The following ENOX1 variants were observed in gnomAD, a reference collection of about 807,000 sequenced individuals.
The protein encoded by ENOX1 is candidate growth-related and time keeping constitutive hydroquinone (NADH) oxidase.
A neutral mutation model predicts 82.5 loss-of-function variants in ENOX1; 42 were observed. The observed-to-expected ratio is 0.51, with a 90% confidence interval of 0.40 to 0.66. The LOEUF is 0.66. Among genes scored for constraint, ENOX1 ranks in the 30% least tolerant of loss-of-function variants. ENOX1 has a pLI of 0.00. For synonymous variants in ENOX1, 271 were observed against 282.2 expected (o/e 0.96, Z 0.40); for missense variants, 608 against 811.6 (o/e 0.75, Z 3.05).
At chr13:43,243,161 C>CT (rs779663436) in intron 14 of ENOX1, among the ~76,000 whole-genome samples, 2 of 139,698 alleles carry the variant, frequency 1.4e-5, no homozygotes, top group African/African-American at 2.6e-5. Context: ...AAAAAAAAAT[C>CT]TGAGTCCAGG....
At chr13:43,768,326 G>A (rs543969781) in intron 1 of ENOX1, among the ~76,000 whole-genome samples, 14 of 152,278 alleles carry the variant, frequency 9.2e-5, no homozygotes, top group African/African-American at 3.4e-4. Flanking sequence ...TCTAGGCTGA[G>A]TGTGTTGGCT....
At chr13:43,230,790 G>A (rs1193163966) in intron 15 of ENOX1, among the ~76,000 whole-genome samples, 1 of 152,158 alleles carries the variant, frequency 6.6e-6, no homozygotes, top group Non-Finnish European at 1.5e-5. Context: ...TACAAAAGAT[G>A]GGAGTGGGAT....
intron 2 of ENOX1, among the ~76,000 whole-genome samples, chr13:43,521,621 A>C (rs1203046454): frequency 6.6e-6 from 1 of 152,176 alleles, no homozygotes; most frequent in Non-Finnish European, 1.5e-5. Flanking sequence ...CTAAAAAGTA[A>C]GAGATATAAA....
intron 1 of ENOX1, among the ~76,000 whole-genome samples, chr13:43,761,975 C>G (rs1020549698): frequency 6.6e-6 from 1 of 152,114 alleles, no homozygotes; most frequent in Non-Finnish European, 1.5e-5. Context: ...TTTTCTAAAC[C>G]ATATGTCCTA....
chr13:43,452,320 G>A (rs1007443543), intron 3 of ENOX1, among the ~76,000 whole-genome samples: 11 of 151,996 alleles, frequency 7.2e-5, no homozygotes, highest in African/African-American at 1.7e-4. Flanking sequence ...CCCTCCCTGT[G>A]TCCATGTGTT....
At chr13:43,694,195 A>G (rs1052112260) in intron 1 of ENOX1, among the ~76,000 whole-genome samples, 1 of 144,826 alleles carries the variant, frequency 6.9e-6, no homozygotes, top group Non-Finnish European at 1.5e-5. Context: ...CAGAGTTTCC[A>G]TATGGTAAAA....
intron 16 of ENOX1, among the ~76,000 whole-genome samples, chr13:43,216,331 C>T (rs1242650891): frequency 6.6e-6 from 1 of 152,212 alleles, no homozygotes; most frequent in East Asian, 1.9e-4. Context: ...AGTCATATCT[C>T]TCAGGGTATT....
At position 43,756,492 on chromosome 13, in the gene ENOX1, G is replaced by C. The variant is rs1950645983; in HGVS notation, c.-285+30160C>G. Among the ~76,000 whole-genome samples, 5 of 132,676 alleles carry C rather than the reference G, an allele frequency of 3.8e-5. No individual in the cohort carries two copies. The South Asian group carries it at 1.5e-3, about 40-fold the overall frequency. The allele number at this position is 132,676 out of a possible 152,430, so 87.0% of individuals were successfully genotyped here. A position where few individuals can be genotyped will look rare whatever the true frequency, so the allele number is the denominator to read the frequency against. On this transcript the variant is annotated intron_variant, in intron 1 of 16. Transcript: ENST00000690772. ...GGAGGGGAGGGGAGGGGAAGGGGAG[G>C]GGAAGGGAGAGAGGGAAAGGAGAGG...
chr13:43,328,598 C>T (rs1423904020), intron 9 of ENOX1, among the ~76,000 whole-genome samples: 2 of 151,772 alleles, frequency 1.3e-5, no homozygotes, highest in East Asian at 3.9e-4. Context: ...GTGTAAGGGG[C>T]CAGAGAGAAT....
At chr13:43,372,334 A>C (rs1248619398) in intron 5 of ENOX1, among the ~76,000 whole-genome samples, 1 of 152,250 alleles carries the variant, frequency 6.6e-6, no homozygotes, top group Admixed American at 6.5e-5. Context: ...TCACAGAATA[A>C]ATGGACAGAA....
intron 12 of ENOX1, among the ~76,000 whole-genome samples, chr13:43,291,961 C>T (rs1448069733): frequency 4.6e-4 from 70 of 152,114 alleles, no homozygotes. Context: ...AAAGACTCGG[C>T]CACGCAGCAG....
intron 12 of ENOX1, among the ~76,000 whole-genome samples, chr13:43,276,882 T>TA (rs1250697707): frequency 6.6e-6 from 1 of 152,194 alleles, no homozygotes; most frequent in African/African-American, 2.4e-5. Context: ...CATGGGCTTG[T>TA]AAGACTACTC....
At chr13:43,578,396 TTTTG>T (rs1318435722) in intron 2 of ENOX1, among the ~76,000 whole-genome samples, 2 of 152,166 alleles carry the variant, frequency 1.3e-5, no homozygotes, top group African/African-American at 4.8e-5. Context: ...TCTAGAATAA[TTTTG>T]TTTATAAAAT....
chr13:43,226,483 A>C (rs2042028833), intron 15 of ENOX1, among the ~76,000 whole-genome samples: 1 of 152,234 alleles, frequency 6.6e-6, no homozygotes, highest in African/African-American at 2.4e-5. Context: ...ATTACTGTTA[A>C]CTATAATTTC....
At chr13:43,643,363 G>C (rs560132439) in intron 2 of ENOX1, among the ~76,000 whole-genome samples, 1 of 152,308 alleles carries the variant, frequency 6.6e-6, no homozygotes, top group South Asian at 2.1e-4. Context: ...TGCCTATTTA[G>C]TATGAGCTGG....
At chr13:43,545,743 G>A (rs1302478285) in intron 2 of ENOX1, 1 of 152,216 alleles carries the variant, frequency 6.6e-6, no homozygotes, top group Non-Finnish European at 1.5e-5. Context: ...TGTTCCCCAG[G>A]GGGAAGTAGA....
At chr13:43,758,628 T>G (rs1194554843) in intron 1 of ENOX1, among the ~76,000 whole-genome samples, 1 of 152,226 alleles carries the variant, frequency 6.6e-6, no homozygotes, top group African/African-American at 2.4e-5. Context: ...GTACAAGGAA[T>G]CTCTTTGCAT....
At chr13:43,755,887 C>A (rs921694244) in intron 1 of ENOX1, among the ~76,000 whole-genome samples, 1 of 152,204 alleles carries the variant, frequency 6.6e-6, no homozygotes. Context: ...GAGACCTGAA[C>A]TATCTCCAGC....
intron 2 of ENOX1, among the ~76,000 whole-genome samples, chr13:43,564,864 G>A (rs983783607): frequency 6.6e-6 from 1 of 152,264 alleles, no homozygotes; most frequent in Non-Finnish European, 1.5e-5. Flanking sequence ...TGGGAAGGCA[G>A]AGTAATGATA....
Sources: allele counts gnomAD v4.1 joint callset (sites outside exome capture counted in the v4.1 genomes callset), GRCh38; gene constraint gnomAD v4.1.1; transcripts MANE v1.5; gene names NCBI Gene and HGNC (gene_info 2026-07-23, HGNC 2026-07-21).